The following SLC4A4 variants were observed in gnomAD, a reference collection of about 807,000 sequenced individuals.
SLC4A4 encodes the protein electrogenic sodium bicarbonate cotransporter 1.
A neutral mutation model predicts 111.5 loss-of-function variants in SLC4A4; 27 were observed. That is an observed-to-expected ratio of 0.24 (90% CI 0.18 to 0.33). SLC4A4 has a LOEUF of 0.33. Ranked by LOEUF, SLC4A4 falls within the 10% of genes least tolerant of loss-of-function variation. The pLI, the probability that SLC4A4 is intolerant of heterozygous loss-of-function variation, is 1.00. For missense variants in SLC4A4, 909 were observed against 1,315.5 expected, an observed-to-expected ratio of 0.69 and a Z score of 4.78; for synonymous variants, 443 against 463.4, an observed-to-expected ratio of 0.96 and a Z score of 0.57.
intron 11 of SLC4A4, among the ~76,000 whole-genome samples, chr4:71,452,940 A>G (rs1431119593): frequency 6.6e-6 from 1 of 151,936 alleles, no homozygotes; most frequent in Non-Finnish European, 1.5e-5. Context: ...TTATTCATTT[A>G]TTGTCTGCCT....
At chr4:71,167,947 A>G (rs1744826987) in intron 2 of SLC4A4, among the ~76,000 whole-genome samples, 1 of 152,178 alleles carries the variant, frequency 6.6e-6, no homozygotes, top group Non-Finnish European at 1.5e-5. Flanking sequence ...TTGTGCTGCT[A>G]AAATAGAATA....
intron 2 of SLC4A4, among the ~76,000 whole-genome samples, chr4:71,148,463 G>T (rs941600783): frequency 2.0e-5 from 3 of 152,100 alleles, no homozygotes; most frequent in Non-Finnish European, 2.9e-5. Context: ...CTTGTGTCAT[G>T]GGAGTTTGTC....
intron 3 of SLC4A4, among the ~76,000 whole-genome samples, chr4:71,256,501 G>A (rs532437390): frequency 6.6e-6 from 1 of 152,242 alleles, no homozygotes; most frequent in African/African-American, 2.4e-5. Context: ...GTGGACCATC[G>A]AATTAAAGAC....
intron 2 of SLC4A4, among the ~76,000 whole-genome samples, chr4:71,139,035 C>CAG (rs770799592): frequency 6.1e-4 from 26 of 42,848 alleles, no homozygotes; most frequent in African/African-American, 2.4e-3. Context: ...GACTCCGTCT[C>CAG]AAAAAAAAAA....
chr4:71,367,556 C>T (rs1385094174), intron 6 of SLC4A4, among the ~76,000 whole-genome samples: 2 of 152,124 alleles, frequency 1.3e-5, no homozygotes, highest in Non-Finnish European at 2.9e-5. Flanking sequence ...AAAACTTGGC[C>T]AGTATGATAA....
intron 13 of SLC4A4, among the ~76,000 whole-genome samples, chr4:71,467,336 A>G (rs1026013374): frequency 6.6e-6 from 1 of 152,128 alleles, no homozygotes; most frequent in African/African-American, 2.4e-5. Flanking sequence ...TCCTCACCCC[A>G]GTTTCATGTT....
At chr4:71,497,208 T>C (rs1730492790) in intron 15 of SLC4A4, among the ~76,000 whole-genome samples, 1 of 152,138 alleles carries the variant, frequency 6.6e-6, no homozygotes. Context: ...CAGGAAGGTG[T>C]GCAGGAAAGA....
chr4:71,236,320 T>G, intron 1 of SLC4A4: 2 of 1,017,034 alleles, frequency 2.0e-6, no homozygotes, highest in Non-Finnish European at 1.3e-6. Flanking sequence ...GCCTACAGGA[T>G]TGGGATTATT....
At chr4:71,337,949 C>G (rs1175546253) in intron 3 of SLC4A4, among the ~76,000 whole-genome samples, 3 of 151,898 alleles carry the variant, frequency 2.0e-5, no homozygotes, top group Admixed American at 6.6e-5. Flanking sequence ...CCTGCCTCAC[C>G]CTCTTGAGTA....
intron 2 of SLC4A4, among the ~76,000 whole-genome samples, chr4:71,110,696 T>C (rs1743061546): frequency 6.6e-6 from 1 of 152,228 alleles, no homozygotes; most frequent in South Asian, 2.1e-4. Context: ...AGGCTATCCA[T>C]GTTTACTCTG....
intron 7 of SLC4A4, among the ~76,000 whole-genome samples, chr4:71,403,536 G>C (rs1410714279): frequency 6.6e-6 from 1 of 152,160 alleles, no homozygotes; most frequent in African/African-American, 2.4e-5. Context: ...TAGGTAAGAG[G>C]GTTAGCCAGT....
chr4:71,220,220 CA>C (rs1011203014), intron 1 of SLC4A4, among the ~76,000 whole-genome samples: 1 of 152,114 alleles, frequency 6.6e-6, no homozygotes, highest in African/African-American at 2.4e-5. Flanking sequence ...CTTCCACTAG[CA>C]AAAAATTACA....
At chr4:71,296,708 T>C (rs950507940) in intron 3 of SLC4A4, among the ~76,000 whole-genome samples, 2 of 152,230 alleles carry the variant, frequency 1.3e-5, no homozygotes, top group Non-Finnish European at 2.9e-5. Context: ...GTGTTTGGCA[T>C]ATTTTTGAGT....
At chr4:71,449,798 A>G (rs1415510331) in intron 9 of SLC4A4, among the ~76,000 whole-genome samples, 1 of 152,234 alleles carries the variant, frequency 6.6e-6, no homozygotes, top group Non-Finnish European at 1.5e-5. Flanking sequence ...GATATGAAGC[A>G]CTTGCTGCAT....
At chr4:71,113,752 G>T (rs551103090) in intron 2 of SLC4A4, among the ~76,000 whole-genome samples, 2 of 152,150 alleles carry the variant, frequency 1.3e-5, no homozygotes, top group Non-Finnish European at 2.9e-5. Flanking sequence ...GTACAAAGGG[G>T]AAATTACTGG....
Position 71,285,415 on chromosome 4 carries a change from A to G in SLC4A4, c.253+30016A>G, listed in dbSNP as rs1463665362. On this transcript the variant is annotated intron_variant, in intron 3 of 25. Transcript: ENST00000264485. ...GGCTCACCTGGGGAGACTGAGGGCA[A>G]ATTGCCTGTATTGATCACAGTCCTC... Among the ~76,000 whole-genome samples, 9 of 152,186 alleles carry G rather than the reference A, an allele frequency of 5.9e-5. No homozygotes were observed. In the East Asian group the frequency reaches 1.7e-3, roughly 29 times the overall value.
intron 14 of SLC4A4, among the ~76,000 whole-genome samples, chr4:71,477,465 A>C (rs1180115236): frequency 6.6e-6 from 1 of 151,794 alleles, no homozygotes; most frequent in Non-Finnish European, 1.5e-5. Context: ...CCCAAAATTA[A>C]CAACCAGTGT....
At chr4:71,274,292 A>G (rs2579321) in intron 3 of SLC4A4, among the ~76,000 whole-genome samples, 10,539 of 152,080 alleles carry the variant, frequency 0.069, 543 homozygotes, top group African/African-American at 0.14. Flanking sequence ...AGGAGGAGGA[A>G]GAAGAAGAGC....
intron 1 of SLC4A4, among the ~76,000 whole-genome samples, chr4:71,192,644 C>T (rs188879449): frequency 2.0e-5 from 3 of 152,134 alleles, no homozygotes. Flanking sequence ...CTCCCTCCCC[C>T]ACTTTCTCAG....
Sources: allele counts gnomAD v4.1 joint callset (sites outside exome capture counted in the v4.1 genomes callset), GRCh38; gene constraint gnomAD v4.1.1; transcripts MANE v1.5; gene names NCBI Gene and HGNC (gene_info 2026-07-23, HGNC 2026-07-21).